The following USPL1 variants were observed in gnomAD, a reference collection of about 807,000 sequenced individuals.
USPL1 encodes the protein ubiquitin specific peptidase like 1.
USPL1 carries 27 observed loss-of-function variants against 51.5 expected under a neutral mutation model. The observed-to-expected ratio is 0.52, with a 90% CI of 0.39 to 0.72. USPL1 has a LOEUF of 0.72. Among genes scored for constraint, USPL1 ranks in the 30% least tolerant of loss-of-function variants. The pLI, the probability that USPL1 is intolerant of heterozygous loss-of-function variation, is 0.00. For missense variants in USPL1, 1,226 were observed against 1,268.0 expected (o/e 0.97, Z 0.50); for synonymous variants, 451 against 459.6 (o/e 0.98, Z 0.24).
At chr13:30,647,203 T>G in intron 7 of USPL1, 146 bp downstream of exon 7, 1 of 951,492 alleles carries the variant, frequency 1.1e-6, no homozygotes, top group South Asian at 1.7e-5. Flanking sequence ...GCTGCCTCGC[T>G]CTATCTGGCC....
At chr13:30,655,816 G>A (rs1279778716) in intron 8 of USPL1, among the ~76,000 whole-genome samples, 1 of 152,152 alleles carries the variant, frequency 6.6e-6, no homozygotes, top group African/African-American at 2.4e-5. Context: ...CAAGGAATAG[G>A]AAATGTTTTG....
intron 5 of USPL1, among the ~76,000 whole-genome samples, chr13:30,641,287 G>T (rs990720889): frequency 1.3e-5 from 2 of 152,228 alleles, no homozygotes; most frequent in African/African-American, 4.8e-5. Context: ...TTGTGGTCCT[G>T]CCAAGGTGAC....
chr13:30,658,797 T>G lies in USPL1; in HGVS notation c.2720T>G (p.Met907Arg), dbSNP rs544741748. Residue 907 changes from methionine (M) to arginine (R), a missense_variant, in exon 9 of 9, where the codon ATG becomes AGG. Met to Arg is a moderately conservative substitution (Grantham distance 91). Coordinates refer to ENST00000255304, the MANE Select transcript of USPL1 (RefSeq NM_005800.5). ...GAAAAGAAGAAATTAGCTGCTCTTA[T>G]GTCTTCCCCGCAAAGCAGAACAGTT... ...KAEKKKLAAL[M>R]SSPQSRTVRS... is the part of the protein sequence containing the mutation. The G allele has an allele frequency of 6.2e-6, 10 of 1,614,046 alleles. No homozygotes were observed. The East Asian group carries it at 2.0e-4, about 32-fold the overall frequency.
intron 4 of USPL1, 82 bp downstream of exon 4, chr13:30,631,556 A>C (rs560335154): frequency 2.2e-6 from 3 of 1,362,416 alleles, no homozygotes; most frequent in Non-Finnish European, 2.0e-6. Flanking sequence ...GCTGGAGTGC[A>C]GTGGCATGAT....
rs139903081 is a variant in USPL1, at chr13:30,658,231, C to T, written c.2154C>T (p.Val718=). 1.2e-6 allele frequency: 2 copies of T among 1,611,944 alleles called. No individual in the cohort carries two copies. Among genetic ancestry groups the T allele is most frequent in the African/African-American group, 1.3e-5 (1 of 74,668 alleles). ...CTGAACAATTAAAACCAGAACGTGT[C>T]ACATCTCAGGTATCTAATTTGAAGA... ...PKTEQLKPER[V]TSQVSNLKKK... Residue 718 remains valine (V), a synonymous_variant, in exon 9 of 9, where the codon GTC becomes GTT. Coordinates refer to ENST00000255304, the MANE Select transcript of USPL1 (RefSeq NM_005800.5).
intron 6 of USPL1, 64 bp from the exon 7 acceptor site, chr13:30,646,868 C>A: frequency 6.5e-7 from 1 of 1,527,582 alleles, no homozygotes. Context: ...TACTTTTAGA[C>A]ATTGGTTTAA....
chr13:30,646,240 A>C (rs898630086), intron 6 of USPL1, among the ~76,000 whole-genome samples: 1 of 152,206 alleles, frequency 6.6e-6, no homozygotes, highest in African/African-American at 2.4e-5. Flanking sequence ...TACATCTTTA[A>C]AGGTCATCTT....
intron 2 of USPL1, 140 bp from the exon 3 acceptor site, chr13:30,621,624 T>C (rs759277141): frequency 1.7e-6 from 1 of 594,262 alleles, no homozygotes; most frequent in Non-Finnish European, 2.5e-6. Context: ...ATTTCTTTTG[T>C]TTGCCATGTT....
chr13:30,657,171 A>G (rs1364154844), intron 8 of USPL1, among the ~76,000 whole-genome samples: 1 of 152,226 alleles, frequency 6.6e-6, no homozygotes, highest in East Asian at 1.9e-4. Context: ...AAGAATTAAA[A>G]CGAATAGTGA....
At chr13:30,631,957 G>C (rs997640874) in intron 4 of USPL1, among the ~76,000 whole-genome samples, 7 of 133,866 alleles carry the variant, frequency 5.2e-5, no homozygotes, top group Admixed American at 3.7e-4. Flanking sequence ...CTGCCCAAAA[G>C]GCAGTTTTTT....
chr13:30,658,125 A>ATGC lies in USPL1; in HGVS notation c.2050_2052dup (p.Ala684dup). 2 of 1,613,782 alleles carry ATGC rather than the reference A, an allele frequency of 1.2e-6. No individual in the cohort carries two copies. Among genetic ancestry groups the ATGC allele is most frequent in the African/African-American group, 2.7e-5 (2 of 75,066 alleles). On this transcript the variant is annotated inframe_insertion, in exon 9 of 9. Coordinates refer to ENST00000255304, the MANE Select transcript of USPL1 (RefSeq NM_005800.5). ...AATACTAAATCTGTGAATAATACTG[A>ATGC]TGCTACTGGTCTTATACAGGGAGTG...
In USPL1 at chr13:30,660,561, G is replaced by C. The variant is rs964192985; in HGVS notation, c.*1205G>C. 1 of 152,212 alleles carries C rather than the reference G, an allele frequency of 6.6e-6. No individual in the cohort carries two copies. The highest frequency in any genetic ancestry group is 1.5e-5 in the Non-Finnish European group (1 of 68,032). 9.4% of individuals were successfully genotyped at this position (152,212 alleles called of 1,614,324 possible). A position where few individuals can be genotyped will look rare whatever the true frequency, so the allele number is the denominator to read the frequency against. ...TAAGTTGTATACGGTATATGAATGTGTGACAGTTTTCCTTATGGTTGTGTG... is the reference window on the plus strand; with the variant it reads ...TAAGTTGTATACGGTATATGAATGTCTGACAGTTTTCCTTATGGTTGTGTG... On this transcript the variant is annotated 3_prime_UTR_variant, in exon 9 of 9. Transcript: ENST00000255304.
intron 5 of USPL1, among the ~76,000 whole-genome samples, chr13:30,639,468 T>G (rs1229833211): frequency 6.6e-6 from 1 of 152,196 alleles, no homozygotes; most frequent in Non-Finnish European, 1.5e-5. Flanking sequence ...CTTATAAAAG[T>G]CTGATTTTTC....
In USPL1 at chr13:30,646,261, G is replaced by A. The variant is rs75632632; in HGVS notation, c.1113-671G>A. On this transcript the variant is annotated intron_variant, in intron 6 of 8. Coordinates refer to ENST00000255304, the MANE Select transcript of USPL1 (RefSeq NM_005800.5). The stretch of plus-strand genomic sequence containing the variant: ...TTTAAAGGTCATCTTTTTAGATGGC[G>A]TTGCTCTCAAGTATTCAGACTAAAG... 2.3e-3 allele frequency among the ~76,000 whole-genome samples: 344 copies of A among 152,190 alleles called. 4 individuals are homozygous for A. The East Asian group carries it at 0.039, about 17-fold the overall frequency.
At chr13:30,642,978 C>G (rs1950968924) in intron 6 of USPL1, among the ~76,000 whole-genome samples, 2 of 152,146 alleles carry the variant, frequency 1.3e-5, no homozygotes, top group Non-Finnish European at 2.9e-5. Flanking sequence ...TCTCCAGAGT[C>G]CTTGCTGAGT....
chr13:30,625,139 T>G (rs1950695036), intron 3 of USPL1, among the ~76,000 whole-genome samples: 1 of 151,986 alleles, frequency 6.6e-6, no homozygotes, highest in South Asian at 2.1e-4. Flanking sequence ...GGGGAGAGGG[T>G]GGTGGCAGAG....
chr13:30,652,925 T>G (rs571111937), intron 7 of USPL1, among the ~76,000 whole-genome samples: 1 of 152,350 alleles, frequency 6.6e-6, no homozygotes, highest in Non-Finnish European at 1.5e-5. Flanking sequence ...CATGATGACT[T>G]CCAACTGTCT....
chr13:30,618,611 T>C (rs956887227), intron 1 of USPL1, among the ~76,000 whole-genome samples: 9 of 152,108 alleles, frequency 5.9e-5, no homozygotes, highest in African/African-American at 2.2e-4. Flanking sequence ...TTGAATACTT[T>C]TTGCGATTCC....
At chr13:30,634,590 A>G (rs1003827248) in intron 4 of USPL1, among the ~76,000 whole-genome samples, 1 of 152,184 alleles carries the variant, frequency 6.6e-6, no homozygotes, top group African/African-American at 2.4e-5. Context: ...TTTTGTAAAT[A>G]TAACAGAATA....
Sources: allele counts gnomAD v4.1 joint callset (sites outside exome capture counted in the v4.1 genomes callset), GRCh38; gene constraint gnomAD v4.1.1; transcripts MANE v1.5; gene names NCBI Gene and HGNC (gene_info 2026-07-23, HGNC 2026-07-21).